Variants in PCDH11X observed in about 807,000 individuals in gnomAD.
The protein encoded by PCDH11X is protocadherin 11 X-linked.
Under a neutral mutation model 53.3 loss-of-function variants are expected in PCDH11X, and 18 were observed. That is an observed-to-expected ratio of 0.34 (90% CI 0.23 to 0.50). PCDH11X has a LOEUF of 0.50. Ranked by LOEUF, PCDH11X falls within the 20% of genes least tolerant of loss-of-function variation. PCDH11X has a pLI of 0.98. For synonymous variants in PCDH11X, 279 were observed against 393.3 expected (o/e 0.71, Z 3.44); for missense variants, 570 against 1,032.4 (o/e 0.55, Z 6.14).
Position 91,836,048 on chromosome X carries a change from C to T in PCDH11X, c.540+4C>T. The T allele has an allele frequency of 2.5e-6, 3 of 1,207,331 alleles. No homozygotes were observed. The highest frequency in any genetic ancestry group is 3.0e-5 in the East Asian group (1 of 33,727). On this transcript the variant is annotated splice_donor_region_variant and intron_variant, in intron 5 of 10. Transcript: ENST00000682573. ...TCAAAACTACGAACTAATTAAGGTG[C>T]GTTTTAAAATCACTTTGTTAAAGAT... is the stretch of plus-strand genomic sequence containing the variant.
chrX:91,931,011 G>A (rs1185106354), intron 6 of PCDH11X, among the ~76,000 whole-genome samples: 3 of 110,872 alleles, frequency 2.7e-5, no homozygotes, highest in Non-Finnish European at 5.7e-5. Context: ...TAATCTTAGA[G>A]GGAATATTTC....
At chrX:92,569,384 T>A (rs1003326426) in intron 10 of PCDH11X, among the ~76,000 whole-genome samples, 8 of 109,322 alleles carry the variant, frequency 7.3e-5, no homozygotes, top group Non-Finnish European at 1.5e-4. Context: ...TTTAAAAAAA[T>A]GTCATTAATC....
intron 8 of PCDH11X, among the ~76,000 whole-genome samples, chrX:92,297,662 G>C (rs1389868517): frequency 5.4e-5 from 6 of 111,529 alleles, no homozygotes; most frequent in Non-Finnish European, 1.1e-4. Flanking sequence ...TTTTAAAATA[G>C]CTTTTCTAAT....
intron 10 of PCDH11X, among the ~76,000 whole-genome samples, chrX:92,543,775 CA>C (rs748411956): frequency 0.07 from 3,909 of 56,199 alleles, 201 homozygotes; most frequent in African/African-American, 0.23. Flanking sequence ...GAGACTCTGC[CA>C]AAAAAAAAAA....
At chrX:92,116,181 T>G (rs1005491572) in intron 6 of PCDH11X, among the ~76,000 whole-genome samples, 2 of 112,556 alleles carry the variant, frequency 1.8e-5, no homozygotes, top group African/African-American at 6.4e-5. Flanking sequence ...TATTTTTAAT[T>G]TTTCTTGAGA....
chrX:91,907,085 C>G (rs1941184325), intron 6 of PCDH11X, among the ~76,000 whole-genome samples: 1 of 110,079 alleles, frequency 9.1e-6, no homozygotes, highest in Non-Finnish European at 1.9e-5. Context: ...GCCATACAGA[C>G]AATATATAGT....
At chrX:92,015,847 G>C (rs1267033935) in intron 6 of PCDH11X, among the ~76,000 whole-genome samples, 1 of 111,635 alleles carries the variant, frequency 9.0e-6, no homozygotes, top group Non-Finnish European at 1.9e-5. Context: ...TTCTTCATGG[G>C]ATTTAGAATG....
intron 8 of PCDH11X, among the ~76,000 whole-genome samples, chrX:92,303,414 C>T (rs930777211): frequency 2.7e-5 from 3 of 110,838 alleles, no homozygotes; most frequent in East Asian, 2.9e-4. Context: ...ATACCAAATT[C>T]GAAAATTCAG....
At chrX:91,966,879 C>T (rs1266928179) in intron 6 of PCDH11X, among the ~76,000 whole-genome samples, 1 of 110,083 alleles carries the variant, frequency 9.1e-6, no homozygotes, top group African/African-American at 3.3e-5. Context: ...TATAGCTATA[C>T]ATGTGCCATG....
chrX:92,320,734 G>A (rs767145900), intron 8 of PCDH11X, among the ~76,000 whole-genome samples: 2 of 111,582 alleles, frequency 1.8e-5, no homozygotes, highest in Non-Finnish European at 3.8e-5. Context: ...CAGCCTGTAA[G>A]GGGTCCATCC....
intron 6 of PCDH11X, among the ~76,000 whole-genome samples, chrX:91,929,151 C>T (rs1172525993): frequency 3.6e-5 from 4 of 110,521 alleles, no homozygotes; most frequent in Non-Finnish European, 5.7e-5. Flanking sequence ...AATATCAATC[C>T]TATTTATCTG....
In PCDH11X at chrX:92,525,358, C is replaced by T. The variant is rs1266809374; in HGVS notation, c.3367+57036C>T. Reference sequence around the variant, plus strand: ...TAAAAAAAGTAGAGTTGGCTGGGCGCGGTGGCTCACGCCTGTAATCCCAGC... The same window carrying T: ...TAAAAAAAGTAGAGTTGGCTGGGCGTGGTGGCTCACGCCTGTAATCCCAGC... On this transcript the variant is annotated intron_variant, in intron 10 of 10. Coordinates refer to ENST00000682573, the MANE Select transcript of PCDH11X (RefSeq NM_032968.5). 3.6e-5 allele frequency among the ~76,000 whole-genome samples: 4 copies of T among 111,568 alleles called. No individual in the cohort carries two copies. In the East Asian group the frequency reaches 8.5e-4, roughly 24 times the overall value.
chrX:92,250,412 T>G (rs1239860267), intron 7 of PCDH11X, among the ~76,000 whole-genome samples: 1 of 109,421 alleles, frequency 9.1e-6, no homozygotes, highest in Non-Finnish European at 1.9e-5. Context: ...AAACACAGAG[T>G]TATCATATGA....
chrX:92,581,683 T>G lies in PCDH11X; in HGVS notation c.3368-36581T>G, dbSNP rs754589535. ...GAGTGGGGTGCTGCTGTAAAAATGC[T>G]TGCAAACGTGGGACATGACTTTGGT... On this transcript the variant is annotated intron_variant, in intron 10 of 10. Transcript: ENST00000682573. Among the ~76,000 whole-genome samples the G allele has an allele frequency of 2.7e-5, 3 of 112,088 alleles. No individual in the cohort carries two copies. The East Asian group carries it at 8.4e-4, about 31-fold the overall frequency.
At position 92,387,722 on chromosome X, in the gene PCDH11X, T is replaced by C. The variant is rs1403482087; in HGVS notation, c.3145-13T>C. The C allele has an allele frequency of 9.1e-6, 11 of 1,210,501 alleles. No homozygotes were observed. The highest frequency in any genetic ancestry group is 1.1e-5 in the Non-Finnish European group (10 of 895,304). On this transcript the variant is annotated splice_polypyrimidine_tract_variant and intron_variant, in intron 8 of 10. Transcript: ENST00000682573. The stretch of plus-strand genomic sequence containing the variant: ...CATATCTGAAACCCTGTAATTTTCA[T>C]TCTCCCTTTCAGTCCCAGCGGCGTG...
chrX:91,879,715 C>A (rs1000283084), intron 6 of PCDH11X: 70 of 778,908 alleles, frequency 9.0e-5, no homozygotes, highest in Non-Finnish European at 1.0e-4. Context: ...TTGGGAAAAT[C>A]TGTGGCTGTT....
intron 10 of PCDH11X, among the ~76,000 whole-genome samples, chrX:92,505,660 T>A (rs1367786308): frequency 1.8e-5 from 2 of 111,578 alleles, no homozygotes; most frequent in Admixed American, 1.9e-4. Context: ...TATTTTTGCC[T>A]AGGATTGCTT....
intron 6 of PCDH11X, among the ~76,000 whole-genome samples, chrX:91,976,661 G>A (rs12856008): frequency 0.15 from 16,263 of 110,618 alleles, 1,016 homozygotes; most frequent in East Asian, 0.24. Context: ...GAAGTTTACT[G>A]TTCTTTCTTT....
chrX:92,113,772 G>A (rs1352429334), intron 6 of PCDH11X: 1 of 1,198,787 alleles, frequency 8.3e-7, no homozygotes, highest in East Asian at 3.0e-5. Flanking sequence ...TCCGAATGGG[G>A]TCCCTCATGA....
Sources: gnomAD v4.1 joint callset for allele counts (sites outside exome capture counted in the v4.1 genomes callset) on GRCh38, gnomAD v4.1.1 for gene constraint, MANE v1.5 for transcripts, NCBI Gene and HGNC (gene_info 2026-07-23, HGNC 2026-07-21) for gene names.